HAUS2: variants seen among roughly 807,000 people sequenced by gnomAD.
The protein encoded by HAUS2 is HAUS augmin like complex subunit 2.
In HAUS2, 20 loss-of-function variants were observed where a neutral mutation model predicts 21.6. That is an observed-to-expected ratio of 0.93 (90% CI 0.65 to 1.35). The LOEUF is 1.35. Among genes scored for constraint, HAUS2 ranks in the 40% most tolerant of loss-of-function variants. The pLI is 0.00. For missense variants in HAUS2, 297 were observed against 280.7 expected, an observed-to-expected ratio of 1.06 and a Z score of -0.42; for synonymous variants, 113 against 95.6, an observed-to-expected ratio of 1.18 and a Z score of -1.06.
In HAUS2 at chr15:42,561,267, T is replaced by C. The variant is rs1316110637; in HGVS notation, c.257-3T>C. ...TATAATTACTGTTTTTTAATTTGTA[T>C]AGCTCAGAAGTGTCATACTCTGCAA... On this transcript the variant is annotated splice_polypyrimidine_tract_variant and splice_region_variant and intron_variant, in intron 3 of 5. Transcript: ENST00000260372. 8 of 1,520,058 alleles carry C rather than the reference T, an allele frequency of 5.3e-6. No individual in the cohort carries two copies. The highest frequency in any genetic ancestry group is 1.4e-5 in the African/African-American group (1 of 73,034). The allele number at this position is 1,520,058 out of a possible 1,614,324, so 94.2% of individuals were successfully genotyped here.
At chr15:42,557,189 G>A (rs1369765637) in intron 1 of HAUS2, among the ~76,000 whole-genome samples, 9 of 145,094 alleles carry the variant, frequency 6.2e-5, no homozygotes, top group Admixed American at 3.0e-4. Flanking sequence ...GGTGGTGGGC[G>A]CCTGTAGTCC....
chr15:42,550,181 C>T (rs2057708039), intron 1 of HAUS2, among the ~76,000 whole-genome samples: 1 of 151,110 alleles, frequency 6.6e-6, no homozygotes, highest in Non-Finnish European at 1.5e-5. Flanking sequence ...GTCCTGGAGG[C>T]TCAGATGGGA....
At chr15:42,563,555 C>G (rs1388303734) in intron 4 of HAUS2, among the ~76,000 whole-genome samples, 194 bp from the exon 5 acceptor site, 6 of 151,736 alleles carry the variant, frequency 4.0e-5, no homozygotes, top group Non-Finnish European at 8.8e-5. Flanking sequence ...ATTTGGATGA[C>G]AAGTTGCTTA....
intron 4 of HAUS2, 200 bp downstream of exon 4, chr15:42,561,602 C>T (rs756242235): frequency 1.3e-5 from 6 of 449,506 alleles, no homozygotes; most frequent in Admixed American, 1.1e-4. Flanking sequence ...ACTTGGCCAT[C>T]GTGTTTTGGG....
chr15:42,566,100 G>A (rs58565964), intron 5 of HAUS2, among the ~76,000 whole-genome samples: 1 of 152,070 alleles, frequency 6.6e-6, no homozygotes, highest in East Asian at 1.9e-4. Context: ...TACCTGGGAG[G>A]ATGAGGCAGA....
At chr15:42,566,018 T>C (rs2057901960) in intron 5 of HAUS2, among the ~76,000 whole-genome samples, 1 of 152,018 alleles carries the variant, frequency 6.6e-6, no homozygotes, top group Non-Finnish European at 1.5e-5. Flanking sequence ...CTGGCTAACA[T>C]GGTGAAACCC....
Position 42,566,914 on chromosome 15 carries a change from C to T in HAUS2, c.*98C>T. The T allele has an allele frequency of 4.8e-6, 3 of 625,944 alleles. No homozygotes were observed. Among genetic ancestry groups the T allele is most frequent in the East Asian group, 2.7e-5 (1 of 36,574 alleles). The allele number at this position is 625,944 out of a possible 1,614,324, so 38.8% of individuals were successfully genotyped here. On this transcript the variant is annotated 3_prime_UTR_variant, in exon 6 of 6. Transcript: ENST00000260372. ...TTAATAGTCTTTGCTGCTGGTAATA[C>T]TGAAAGAACCTGCTTTATATTGGAG...
chr15:42,563,449 GTT>G, intron 4 of HAUS2, among the ~76,000 whole-genome samples: 1 of 151,774 alleles, frequency 6.6e-6, no homozygotes, highest in East Asian at 1.9e-4. Flanking sequence ...ATGGAATGGG[GTT>G]TTTTTATCTA....
chr15:42,564,230 C>T (rs542926782), intron 5 of HAUS2, among the ~76,000 whole-genome samples: 2 of 148,492 alleles, frequency 1.3e-5, no homozygotes, highest in East Asian at 2.0e-4. Flanking sequence ...CGTGCCAGTG[C>T]ACTCCATCCT....
rs750352573 is a variant in HAUS2 at position 42,568,637 on chromosome 15, T to C, written c.*1821T>C. 2.0e-5 allele frequency: 3 copies of C among 152,210 alleles called. No homozygotes were observed. The highest frequency in any genetic ancestry group is 4.4e-5 in the Non-Finnish European group (3 of 68,038). The allele number at this position is 152,210 out of a possible 1,614,324, so 9.4% of individuals were successfully genotyped here. On this transcript the variant is annotated 3_prime_UTR_variant, in exon 6 of 6. Coordinates refer to ENST00000260372, the MANE Select transcript of HAUS2 (RefSeq NM_018097.3). ...TGGTTTGTGCTGAAAACCTGCTTTCTTCCTGGGAGTCTAGAATTTTGGTAC... is the reference window on the plus strand; with the variant it reads ...TGGTTTGTGCTGAAAACCTGCTTTCCTCCTGGGAGTCTAGAATTTTGGTAC...
chr15:42,558,689 G>A (rs1043119901), intron 2 of HAUS2, among the ~76,000 whole-genome samples: 6 of 151,954 alleles, frequency 3.9e-5, no homozygotes, highest in African/African-American at 1.4e-4. Flanking sequence ...CAGATGTAGT[G>A]GCTCACACCT....
intron 4 of HAUS2, 75 bp downstream of exon 4, chr15:42,561,477 G>T: frequency 2.2e-6 from 2 of 893,594 alleles, no homozygotes; most frequent in East Asian, 2.4e-5. Flanking sequence ...TTACTTTGTA[G>T]CAGAATTCAT....
At chr15:42,562,728 A>G (rs1179193104) in intron 4 of HAUS2, among the ~76,000 whole-genome samples, 1 of 152,244 alleles carries the variant, frequency 6.6e-6, no homozygotes, top group Admixed American at 6.5e-5. Flanking sequence ...GCAAGTGCAG[A>G]GATTCAAAGT....
chr15:42,563,674 T>G (rs2057873296), intron 4 of HAUS2, 75 bp from the exon 5 acceptor site: 2 of 781,478 alleles, frequency 2.6e-6, no homozygotes, highest in Non-Finnish European at 4.5e-6. Context: ...TTAAAAGTCC[T>G]GATTAAAGGA....
chr15:42,556,261 C>CTTTTTTTT (rs1200353279), intron 1 of HAUS2, among the ~76,000 whole-genome samples: 9 of 76,302 alleles, frequency 1.2e-4, no homozygotes, highest in African/African-American at 1.9e-4. Flanking sequence ...TGCGCCCAGG[C>CTTTTTTTT]TTTTTTTTTT....
chr15:42,558,258 C>A lies in HAUS2; in HGVS notation c.154C>A (p.Gln52Lys). The A allele has an allele frequency of 1.4e-6, 2 of 1,474,124 alleles. No homozygotes were observed. The highest frequency in any genetic ancestry group is 1.9e-6 in the Non-Finnish European group (2 of 1,060,198). 91.3% of individuals were successfully genotyped at this position (1,474,124 alleles called of 1,614,324 possible). Residue 52 changes from glutamine (Q) to lysine (K), a missense_variant, in exon 2 of 6, where the codon CAG becomes AAG. Coordinates refer to ENST00000260372, the MANE Select transcript of HAUS2 (RefSeq NM_018097.3). Reference protein sequence around the residue: ...SCFVNFTRLQQITNIQAEIYQ... With the variant: ...SCFVNFTRLQKITNIQAEIYQ... ...TTTTGTGAACTTCACCAGACTACAG[C>A]AGATCACAAATATTCAAGCTGAAAT... is the stretch of plus-strand genomic sequence containing the variant.
At chr15:42,555,423 C>G (rs1300847310) in intron 1 of HAUS2, among the ~76,000 whole-genome samples, 1 of 152,152 alleles carries the variant, frequency 6.6e-6, no homozygotes, top group Admixed American at 6.5e-5. Flanking sequence ...AGCCATCATG[C>G]CAGCCTGTAT....
At chr15:42,559,266 C>T (rs11070374) in intron 2 of HAUS2, 73 bp from the exon 3 acceptor site, 580,945 of 850,540 alleles carry the variant, frequency 0.68, 209,194 homozygotes, top group East Asian at 0.78. Context: ...GCTGGGATTA[C>T]AGGAGTGAGC....
At chr15:42,550,764 G>T (rs1479387732) in intron 1 of HAUS2, among the ~76,000 whole-genome samples, 1 of 152,010 alleles carries the variant, frequency 6.6e-6, no homozygotes, top group Non-Finnish European at 1.5e-5. Flanking sequence ...CACCTCCTGG[G>T]TTCATGCCAT....
Sources: gnomAD v4.1 joint callset for allele counts (sites outside exome capture counted in the v4.1 genomes callset) on GRCh38, gnomAD v4.1.1 for gene constraint, MANE v1.5 for transcripts, NCBI Gene and HGNC (gene_info 2026-07-23, HGNC 2026-07-21) for gene names.